The following NEO1 variants were observed in gnomAD, a reference collection of about 807,000 sequenced individuals.
NEO1 encodes neogenin 1.
In NEO1, 63 loss-of-function variants were observed where a neutral mutation model predicts 159.7. The ratio of observed to expected loss-of-function variants is 0.39; its 90% CI spans 0.32 to 0.49. The LOEUF (loss-of-function observed/expected upper bound fraction) is 0.49, where lower values mean the gene tolerates loss of function less well. NEO1 is among the 20% of genes least tolerant of loss of function. The pLI is 0.85. For missense variants in NEO1, 1,615 were observed against 1,831.0 expected (o/e 0.88, Z 2.15); for synonymous variants, 633 against 662.0 (o/e 0.96, Z 0.67).
chr15:73,164,828 C>G (rs1348950029), intron 5 of NEO1, among the ~76,000 whole-genome samples: 1 of 152,154 alleles, frequency 6.6e-6, no homozygotes, highest in African/African-American at 2.4e-5. Flanking sequence ...TACCATTGAC[C>G]TACTATGCTA....
chr15:73,259,707 A>G (rs1298515853), intron 14 of NEO1, among the ~76,000 whole-genome samples: 1 of 152,178 alleles, frequency 6.6e-6, no homozygotes, highest in Non-Finnish European at 1.5e-5. Context: ...AAAACAGTGT[A>G]TGTGAAAGAG....
At position 73,191,231 on chromosome 15, in the gene NEO1, A is replaced by C. The variant is rs1019141277; in HGVS notation, c.1291+12804A>C. On this transcript the variant is annotated intron_variant, in intron 7 of 28. Coordinates refer to ENST00000261908, the MANE Select transcript of NEO1 (RefSeq NM_002499.4). Reference sequence around the variant, plus strand: ...CTATGCATCAGTTTTGTTACCTATAACTCTAAACAGTCATCTCTGCACAGC... The same window carrying C: ...CTATGCATCAGTTTTGTTACCTATACCTCTAAACAGTCATCTCTGCACAGC... 5.3e-5 allele frequency among the ~76,000 whole-genome samples: 8 copies of C among 152,218 alleles called. No individual in the cohort carries two copies. The East Asian group carries it at 1.5e-3, about 29-fold the overall frequency.
chr15:73,170,890 G>A lies in NEO1; in HGVS notation c.1016-5513G>A, dbSNP rs563534696. Among the ~76,000 whole-genome samples, 228 of 151,880 alleles carry A rather than the reference G, an allele frequency of 1.5e-3. 1 individual carries two copies. Among genetic ancestry groups the A allele is most frequent in the African/African-American group, 5.3e-3 (218 of 41,410 alleles). ...AATAAGAGTATTACTATTTTGCACC[G>A]CCTGATGGGCAATGATAACCAAAGG... On this transcript the variant is annotated intron_variant, in intron 5 of 28. Coordinates refer to ENST00000261908, the MANE Select transcript of NEO1 (RefSeq NM_002499.4).
intron 16 of NEO1, among the ~76,000 whole-genome samples, chr15:73,269,493 TGGGACCCCA>T (rs2151029341): frequency 6.6e-6 from 1 of 152,232 alleles, no homozygotes; most frequent in East Asian, 1.9e-4. Context: ...CCCGAGTAGC[TGGGACCCCA>T]GGCACCTGCC....
In NEO1 at chr15:73,136,046, T is replaced by C. The variant is rs1320302520; in HGVS notation, c.1015+19T>C. 5 of 1,574,694 alleles carry C rather than the reference T, an allele frequency of 3.2e-6. No individual in the cohort carries two copies. Among genetic ancestry groups the C allele is most frequent in the Non-Finnish European group, 8.6e-7 (1 of 1,165,808 alleles). Reference sequence around the variant, plus strand: ...GTGCAAGGTATGTAAATATTTACTGTATAATTTAAAAATCCTGTGTACTTT... The same window carrying C: ...GTGCAAGGTATGTAAATATTTACTGCATAATTTAAAAATCCTGTGTACTTT... On this transcript the variant is annotated intron_variant, in intron 5 of 28. Coordinates refer to ENST00000261908, the MANE Select transcript of NEO1 (RefSeq NM_002499.4).
chr15:73,056,152 G>T (rs1442817308), intron 1 of NEO1, among the ~76,000 whole-genome samples: 1 of 152,138 alleles, frequency 6.6e-6, no homozygotes, highest in Non-Finnish European at 1.5e-5. Flanking sequence ...CTTTACCTCT[G>T]TTCTCCCAAA....
chr15:73,140,675 G>A (rs76987267), intron 5 of NEO1, among the ~76,000 whole-genome samples: 2,903 of 152,224 alleles, frequency 0.019, 50 homozygotes, highest in Non-Finnish European at 0.025. Flanking sequence ...GCACAATAAT[G>A]TTCTTACTGG....
intron 7 of NEO1, among the ~76,000 whole-genome samples, chr15:73,181,512 A>G (rs1184434136): frequency 2.6e-5 from 4 of 152,178 alleles, no homozygotes; most frequent in Non-Finnish European, 5.9e-5. Context: ...TACAGGAAGC[A>G]TGGTGCTGGC....
rs781284375 is a variant in NEO1, at chr15:73,176,455, G to A, written c.1068G>A (p.Met356Ile). The change falls in exon 6 of 29, where the codon ATG becomes ATA. Residue 356 changes from methionine (M) to isoleucine (I), a missense_variant. By Grantham distance (10) the Met-to-Ile change is conservative. Around this residue, in one of 3 missense-constraint regions of NEO1, gnomAD observed 1,018 missense variants for 1,115.4 expected, o/e 0.91. Coordinates refer to ENST00000261908, the MANE Select transcript of NEO1 (RefSeq NM_002499.4). Reference sequence around the variant, plus strand: ...CTAATATATATGCTCACGAATCTATGGATATTGTATTTGAATGTGAAGTGA... The same window carrying A: ...CTAATATATATGCTCACGAATCTATAGATATTGTATTTGAATGTGAAGTGA... ...QPTNIYAHES[M>I]DIVFECEVTG... The A allele has an allele frequency of 6.2e-7, 1 of 1,609,454 alleles. No homozygotes were observed. The highest frequency in any genetic ancestry group is 1.1e-5 in the South Asian group (1 of 90,206).
At chr15:73,068,273 G>T (rs1209879985) in intron 1 of NEO1, among the ~76,000 whole-genome samples, 16 of 137,216 alleles carry the variant, frequency 1.2e-4, no homozygotes, top group African/African-American at 4.0e-4. Flanking sequence ...CCAGGCTGGA[G>T]TGCATTGGTG....
Position 73,116,578 on chromosome 15 carries a change from G to A in NEO1, c.169G>A (p.Val57Met). The change falls in exon 2 of 29, where the codon GTG becomes ATG. Residue 57 changes from valine (V) to methionine (M), a missense_variant. Physicochemically the swap from Val to Met is conservative, Grantham distance 21. Coordinates refer to ENST00000261908, the MANE Select transcript of NEO1 (RefSeq NM_002499.4). Reference sequence around the variant, plus strand: ...AACGTTCACTCCATTTTATTTTCTGGTGGAGCCGGTGGATACACTCTCAGT... The same window carrying A: ...AACGTTCACTCCATTTTATTTTCTGATGGAGCCGGTGGATACACTCTCAGT... ...IRTFTPFYFL[V>M]EPVDTLSVRG... 1.3e-6 allele frequency: 2 copies of A among 1,544,680 alleles called. No homozygotes were observed. Among genetic ancestry groups the A allele is most frequent in the Non-Finnish European group, 8.7e-7 (1 of 1,150,860 alleles).
intron 7 of NEO1, among the ~76,000 whole-genome samples, chr15:73,186,220 TA>T (rs201458117): frequency 4.4e-4 from 67 of 150,638 alleles, no homozygotes; most frequent in Middle Eastern, 3.4e-3. Context: ...GTTTTTAGTT[TA>T]AAAAAAAATA....
At chr15:73,152,549 A>C (rs1487910271) in intron 5 of NEO1, among the ~76,000 whole-genome samples, 1 of 152,162 alleles carries the variant, frequency 6.6e-6, no homozygotes, top group Non-Finnish European at 1.5e-5. Context: ...AAATGTTAAG[A>C]AAGTGTTTCT....
intron 23 of NEO1, among the ~76,000 whole-genome samples, chr15:73,286,706 C>G (rs1248227263): frequency 6.6e-6 from 1 of 152,218 alleles, no homozygotes; most frequent in Non-Finnish European, 1.5e-5. Flanking sequence ...GCTTCTGCTC[C>G]TTTATTCCCA....
At chr15:73,099,404 G>A (rs2070274993) in intron 1 of NEO1, among the ~76,000 whole-genome samples, 2 of 152,256 alleles carry the variant, frequency 1.3e-5, no homozygotes, top group East Asian at 3.9e-4. Context: ...TCTAGAACCT[G>A]GTTTACAGAC....
At chr15:73,076,104 G>A (rs1193696099) in intron 1 of NEO1, among the ~76,000 whole-genome samples, 1 of 152,084 alleles carries the variant, frequency 6.6e-6, no homozygotes, top group African/African-American at 2.4e-5. Context: ...TGTTTCCAGT[G>A]GAATTAATAG....
Position 73,122,801 on chromosome 15 carries a change from G to T in NEO1, c.724+1G>T. On this transcript the variant is annotated splice_donor_variant, in intron 3 of 28. Coordinates refer to ENST00000261908, the MANE Select transcript of NEO1 (RefSeq NM_002499.4). LOFTEE classifies it high-confidence loss of function. Reference sequence around the variant, plus strand: ...GAAGTTGAATTGAAGGTTCTTCCAGGTATTAACTCATTATCAGGACTGATG... The same window carrying T: ...GAAGTTGAATTGAAGGTTCTTCCAGTTATTAACTCATTATCAGGACTGATG... The T allele has an allele frequency of 6.2e-7, 1 of 1,613,812 alleles. No individual in the cohort carries two copies. The highest frequency in any genetic ancestry group is 8.5e-7 in the Non-Finnish European group (1 of 1,179,726).
chr15:73,260,170 C>G, intron 14 of NEO1, 101 bp from the exon 15 acceptor site: 1 of 1,081,880 alleles, frequency 9.2e-7, no homozygotes, highest in Admixed American at 2.2e-5. Flanking sequence ...AAAACTTAGC[C>G]CCAAACAGTG....
intron 11 of NEO1, among the ~76,000 whole-genome samples, chr15:73,251,999 T>G (rs1308179738): frequency 2.6e-5 from 4 of 152,246 alleles, no homozygotes; most frequent in African/African-American, 9.6e-5. Flanking sequence ...CTCTGCAACC[T>G]CAGTCACTTC....
Sources: gnomAD v4.1 joint callset for allele counts (sites outside exome capture counted in the v4.1 genomes callset) on GRCh38, gnomAD v4.1.1 for gene constraint, gnomAD v4.1.1 regional missense constraint, MANE v1.5 for transcripts, NCBI Gene and HGNC (gene_info 2026-07-23, HGNC 2026-07-21) for gene names.